Variants in LARGE1 observed in about 807,000 individuals in gnomAD.
The protein encoded by LARGE1 is LARGE xylosyl- and glucuronyltransferase 1.
A neutral mutation model predicts 87.6 loss-of-function variants in LARGE1; 43 were observed. The ratio of observed to expected loss-of-function variants is 0.49; its 90% CI spans 0.38 to 0.63. The LOEUF is 0.63. LARGE1 is among the 30% of genes least tolerant of loss of function. The pLI is 0.00. For missense variants in LARGE1, 802 were observed against 1,000.2 expected (o/e 0.80, Z 2.67); for synonymous variants, 434 against 394.6 (o/e 1.10, Z -1.18).
At chr22:33,103,391 C>CCACTGCA in the LARGE1 span, among the ~76,000 whole-genome samples, 3 of 134,124 alleles carry the variant, frequency 2.2e-5, no homozygotes, top group Non-Finnish European at 4.6e-5. Context: ...CGAGATTGTG[C>CCACTGCA]CACTGCACTC....
chr22:33,861,507 A>G (rs1239047751), intron 1 of LARGE1: 2 of 152,262 alleles, frequency 1.3e-5, no homozygotes, highest in Non-Finnish European at 2.9e-5. Flanking sequence ...GAATTTGCAC[A>G]AGATCCCTTG....
chr22:33,785,068 T>C (rs62640791), intron 1 of LARGE1, among the ~76,000 whole-genome samples: 5 of 137,428 alleles, frequency 3.6e-5, no homozygotes, highest in Non-Finnish European at 4.8e-5. Flanking sequence ...TATATAGATA[T>C]ATGTGTATAC....
At chr22:33,316,042 G>A in intron 11 of LARGE1, 43 bp downstream of exon 11, 1 of 1,604,392 alleles carries the variant, frequency 6.2e-7, no homozygotes, top group Non-Finnish European at 8.5e-7. Flanking sequence ...CCATGTAACA[G>A]CCGCGGTGAG....
At chr22:33,423,514 TA>T (rs895447220) in intron 7 of LARGE1, among the ~76,000 whole-genome samples, 3 of 150,774 alleles carry the variant, frequency 2.0e-5, no homozygotes, top group African/African-American at 7.3e-5. Context: ...CCGTCTCTAT[TA>T]AAAAAAATAC....
At chr22:33,688,841 T>G (rs761852225) in intron 2 of LARGE1, among the ~76,000 whole-genome samples, 9 of 152,056 alleles carry the variant, frequency 5.9e-5, no homozygotes, top group Admixed American at 2.0e-4. Context: ...ATGTGTCTAT[T>G]TCTTCCACTT....
chr22:33,210,735 T>A (rs1269653615), intron 11 of LARGE1, among the ~76,000 whole-genome samples: 1 of 152,196 alleles, frequency 6.6e-6, no homozygotes, highest in Non-Finnish European at 1.5e-5. Flanking sequence ...CCTGGCCTGG[T>A]TCCTTGGGCT....
At chr22:33,887,986 G>C (rs1043005550) in intron 1 of LARGE1, among the ~76,000 whole-genome samples, 4 of 152,160 alleles carry the variant, frequency 2.6e-5, no homozygotes, top group Non-Finnish European at 4.4e-5. Flanking sequence ...GCTCAGGCTG[G>C]CCAGGTTCTC....
chr22:33,902,704 T>C (rs1047197887), intron 1 of LARGE1, among the ~76,000 whole-genome samples: 48 of 152,324 alleles, frequency 3.2e-4, no homozygotes, highest in African/African-American at 1.1e-3. Flanking sequence ...TTTTTCAAAA[T>C]ACAACCCATT....
chr22:33,597,968 G>C (rs1343128829), intron 5 of LARGE1, among the ~76,000 whole-genome samples: 1 of 152,174 alleles, frequency 6.6e-6, no homozygotes, highest in Non-Finnish European at 1.5e-5. Context: ...AGCATCCTTA[G>C]AAGGGCTCCC....
At chr22:33,146,479 G>A in the LARGE1 span, among the ~76,000 whole-genome samples, 1 of 152,098 alleles carries the variant, frequency 6.6e-6, no homozygotes, top group Admixed American at 6.5e-5. Flanking sequence ...AGTGCTTTCA[G>A]GGTTCATATT....
intron 6 of LARGE1, among the ~76,000 whole-genome samples, chr22:33,492,282 A>C (rs1438190801): frequency 2.0e-5 from 3 of 152,178 alleles, no homozygotes; most frequent in African/African-American, 4.8e-5. Context: ...GCAGGGTCCA[A>C]AGTCCATGGC....
chr22:33,805,900 C>T (rs1220701048), intron 1 of LARGE1, among the ~76,000 whole-genome samples: 1 of 152,174 alleles, frequency 6.6e-6, no homozygotes, highest in African/African-American at 2.4e-5. Context: ...TCTCCCCTTG[C>T]TACATTTTAT....
chr22:33,090,835 T>A, the LARGE1 span, among the ~76,000 whole-genome samples: 841 of 152,334 alleles, frequency 5.5e-3, 11 homozygotes, highest in African/African-American at 0.02. Context: ...TTATCAATCC[T>A]TGAATTCTTT....
intron 1 of LARGE1, among the ~76,000 whole-genome samples, chr22:33,852,519 A>AT (rs1310914639): frequency 5.9e-5 from 9 of 152,226 alleles, no homozygotes; most frequent in African/African-American, 2.2e-4. Flanking sequence ...AACACAACAA[A>AT]TTTAAAAAAA....
At position 33,292,609 on chromosome 22, in the gene LARGE1, C is replaced by A. The variant is rs186019346; in HGVS notation, c.1731-9261G>T. 3.9e-5 allele frequency among the ~76,000 whole-genome samples: 6 copies of A among 152,238 alleles called. No individual in the cohort carries two copies. The East Asian group carries it at 1.2e-3, about 29-fold the overall frequency. ...GGGATGGGATAAACAGGAGAGTCCA[C>A]GCCTAGCTGCTCCTCAATTCCAGCT... On this transcript the variant is annotated intron_variant, in intron 12 of 14. Coordinates refer to ENST00000397394, the MANE Select transcript of LARGE1 (RefSeq NM_133642.5).
At chr22:33,768,469 C>T (rs1379333664) in intron 1 of LARGE1, among the ~76,000 whole-genome samples, 3 of 151,804 alleles carry the variant, frequency 2.0e-5, no homozygotes, top group Non-Finnish European at 2.9e-5. Flanking sequence ...CACACACAGT[C>T]TCCCGCCCTG....
intron 1 of LARGE1, among the ~76,000 whole-genome samples, chr22:33,826,577 G>A (rs945831289): frequency 8.5e-5 from 13 of 152,048 alleles, no homozygotes; most frequent in East Asian, 3.9e-4. Context: ...TCCTGACGTT[G>A]TGATCCGCCC....
At chr22:33,340,908 C>T (rs1939071021) in intron 9 of LARGE1, among the ~76,000 whole-genome samples, 1 of 151,858 alleles carries the variant, frequency 6.6e-6, no homozygotes, top group Non-Finnish European at 1.5e-5. Flanking sequence ...CTGTGGAGGA[C>T]AGAAGCCAAG....
intron 3 of LARGE1, among the ~76,000 whole-genome samples, chr22:33,649,128 C>G (rs1324928584): frequency 3.3e-5 from 5 of 152,190 alleles, no homozygotes. Context: ...TGCTCTCTAC[C>G]TCTCCACCAA....
Sources: allele counts gnomAD v4.1 joint callset (sites outside exome capture counted in the v4.1 genomes callset), GRCh38; gene constraint gnomAD v4.1.1; transcripts MANE v1.5; gene names NCBI Gene and HGNC (gene_info 2026-07-23, HGNC 2026-07-21).